The following DLGAP2 variants were observed in gnomAD, a reference collection of about 807,000 sequenced individuals.
DLGAP2 encodes disks large-associated protein 2.
DLGAP2 carries 26 observed loss-of-function variants against 100.3 expected under a neutral mutation model. The ratio of observed to expected loss-of-function variants is 0.26; its 90% CI spans 0.19 to 0.36. The LOEUF is 0.36. Among genes scored for constraint, DLGAP2 ranks in the 10% least tolerant of loss-of-function variants. The pLI is 1.00. For synonymous variants in DLGAP2, 886 were observed against 630.1 expected (o/e 1.41, Z -6.08); for missense variants, 1,858 against 1,453.2 (o/e 1.28, Z -4.53).
chr8:1,506,082 T>C (rs1799902601), intron 4 of DLGAP2, among the ~76,000 whole-genome samples: 1 of 152,190 alleles, frequency 6.6e-6, no homozygotes, highest in Admixed American at 6.5e-5. Flanking sequence ...GGCAGGCACA[T>C]AGATTGTGAA....
intron 10 of DLGAP2, among the ~76,000 whole-genome samples, chr8:1,674,800 G>C (rs559039601): frequency 3.5e-4 from 54 of 152,288 alleles, no homozygotes; most frequent in African/African-American, 1.2e-3. Context: ...CTGCACTGAA[G>C]GCTCATTAAA....
intron 3 of DLGAP2, among the ~76,000 whole-genome samples, chr8:1,457,999 T>C (rs919975210): frequency 1.5e-5 from 2 of 135,704 alleles, no homozygotes; most frequent in South Asian, 2.2e-4. Flanking sequence ...TATATATATA[T>C]ATATATATAT....
intron 1 of DLGAP2, among the ~76,000 whole-genome samples, chr8:743,621 T>C (rs1352769146): frequency 6.6e-6 from 1 of 152,294 alleles, no homozygotes; most frequent in African/African-American, 2.4e-5. Flanking sequence ...TTGGAGTGAG[T>C]GGCATAATCT....
chr8:1,261,754 T>G (rs564113007), intron 3 of DLGAP2, among the ~76,000 whole-genome samples: 1 of 152,348 alleles, frequency 6.6e-6, no homozygotes, highest in African/African-American at 2.4e-5. Context: ...ATATGAATAT[T>G]CATATATTTT....
At chr8:1,594,828 T>A (rs1489543279) in intron 6 of DLGAP2, among the ~76,000 whole-genome samples, 3 of 152,214 alleles carry the variant, frequency 2.0e-5, no homozygotes, top group Non-Finnish European at 4.4e-5. Flanking sequence ...CACTCATTCC[T>A]GCCCCTGATC....
At chr8:910,856 G>T (rs1209816480) in intron 2 of DLGAP2, among the ~76,000 whole-genome samples, 1 of 152,082 alleles carries the variant, frequency 6.6e-6, no homozygotes, top group Admixed American at 6.5e-5. Context: ...CTATAAAAAG[G>T]ATCGCCAAGC....
intron 3 of DLGAP2, among the ~76,000 whole-genome samples, chr8:1,437,865 AAT>A (rs1380360749): frequency 6.6e-6 from 1 of 150,960 alleles, no homozygotes; most frequent in African/African-American, 2.4e-5. Flanking sequence ...ATGTGCCTGT[AAT>A]CCCAGCTACT....
At chr8:1,334,909 C>T (rs1204482666) in intron 3 of DLGAP2, among the ~76,000 whole-genome samples, 3 of 152,234 alleles carry the variant, frequency 2.0e-5, no homozygotes, top group African/African-American at 7.2e-5. Flanking sequence ...CCGCCTTGGC[C>T]CTCCCTGCGG....
At chr8:1,299,451 C>T (rs756199672) in intron 3 of DLGAP2, among the ~76,000 whole-genome samples, 11 of 152,160 alleles carry the variant, frequency 7.2e-5, no homozygotes, top group Non-Finnish European at 1.5e-4. Flanking sequence ...TTTAATAATA[C>T]TCTTTGTGAT....
intron 1 of DLGAP2, among the ~76,000 whole-genome samples, chr8:874,609 AG>A (rs1797656275): frequency 6.6e-6 from 1 of 152,186 alleles, no homozygotes; most frequent in Non-Finnish European, 1.5e-5. Context: ...TTTTAATAAT[AG>A]GTTTGTTTTA....
intron 4 of DLGAP2, among the ~76,000 whole-genome samples, chr8:1,534,180 G>A (rs1203263006): frequency 6.6e-6 from 1 of 152,154 alleles, no homozygotes; most frequent in African/African-American, 2.4e-5. Flanking sequence ...AAATTAAGGA[G>A]CCCCTGATCT....
At chr8:1,284,015 T>C (rs1269739724) in intron 3 of DLGAP2, among the ~76,000 whole-genome samples, 1 of 152,244 alleles carries the variant, frequency 6.6e-6, no homozygotes, top group Non-Finnish European at 1.5e-5. Flanking sequence ...CCTGCTTCTT[T>C]TATAGAGTCC....
intron 3 of DLGAP2, among the ~76,000 whole-genome samples, chr8:1,437,664 A>G (rs968604212): frequency 1.3e-5 from 2 of 152,034 alleles, no homozygotes; most frequent in Admixed American, 6.6e-5. Context: ...AATATGCATC[A>G]GTTTATACAT....
chr8:1,020,470 A>T (rs755245180), intron 2 of DLGAP2, among the ~76,000 whole-genome samples: 24 of 152,198 alleles, frequency 1.6e-4, no homozygotes, highest in Non-Finnish European at 3.2e-4. Flanking sequence ...AATCTTTTAC[A>T]TGTATTATCG....
chr8:1,371,031 G>C (rs1469513858), intron 3 of DLGAP2, among the ~76,000 whole-genome samples: 1 of 152,258 alleles, frequency 6.6e-6, no homozygotes. Context: ...TACCATTCGT[G>C]TAATATGATT....
At chr8:1,620,004 C>T (rs976040699) in intron 6 of DLGAP2, 1 of 152,202 alleles carries the variant, frequency 6.6e-6, no homozygotes, top group African/African-American at 2.4e-5. Context: ...CCCATGGTGT[C>T]TTATTTTCAC....
chr8:1,228,940 G>A (rs1194507925), intron 2 of DLGAP2, among the ~76,000 whole-genome samples: 1 of 151,752 alleles, frequency 6.6e-6, no homozygotes, highest in Non-Finnish European at 1.5e-5. Flanking sequence ...AAAAGCAGAT[G>A]AGAAAAAAGA....
intron 2 of DLGAP2, among the ~76,000 whole-genome samples, chr8:1,090,038 G>A (rs1804120803): frequency 6.6e-6 from 1 of 150,532 alleles, no homozygotes; most frequent in Non-Finnish European, 1.5e-5. Flanking sequence ...AGGCAGGGGT[G>A]GAAACTCATA....
intron 2 of DLGAP2, among the ~76,000 whole-genome samples, chr8:974,429 C>A (rs1279195688): frequency 6.6e-6 from 1 of 152,108 alleles, no homozygotes; most frequent in Non-Finnish European, 1.5e-5. Flanking sequence ...ATGACTTCAT[C>A]CAAAACAGCA....
Sources: gnomAD v4.1 joint callset for allele counts (sites outside exome capture counted in the v4.1 genomes callset) on GRCh38, gnomAD v4.1.1 for gene constraint, MANE v1.5 for transcripts, NCBI Gene and HGNC (gene_info 2026-07-23, HGNC 2026-07-21) for gene names.